The following CALCR variants were observed in gnomAD, a reference collection of about 807,000 sequenced individuals.
CALCR encodes calcitonin receptor.
Under a neutral mutation model 59.5 loss-of-function variants are expected in CALCR, and 47 were observed. The observed-to-expected ratio is 0.79, with a 90% CI of 0.63 to 1.01. The LOEUF (loss-of-function observed/expected upper bound fraction) is 1.01. Among genes scored for constraint, CALCR ranks in the 50% least tolerant of loss-of-function variants. The pLI is 0.00. For synonymous variants in CALCR, 213 were observed against 211.3 expected, an observed-to-expected ratio of 1.01 and a Z score of -0.07; for missense variants, 566 against 597.1, an observed-to-expected ratio of 0.95 and a Z score of 0.54.
intron 2 of CALCR, among the ~76,000 whole-genome samples, chr7:93,524,395 C>G (rs12111583): frequency 0.033 from 5,024 of 152,120 alleles, 293 homozygotes; most frequent in African/African-American, 0.12. Flanking sequence ...TGGTCTTGAT[C>G]TCCTGACCTC....
intron 8 of CALCR, among the ~76,000 whole-genome samples, chr7:93,450,724 T>C (rs1444741807): frequency 1.3e-5 from 2 of 151,966 alleles, no homozygotes; most frequent in African/African-American, 2.4e-5. Flanking sequence ...AATTTCTTTT[T>C]ATATTTTGTT....
At chr7:93,539,578 A>G (rs1789077479) in intron 2 of CALCR, among the ~76,000 whole-genome samples, 1 of 152,066 alleles carries the variant, frequency 6.6e-6, no homozygotes, top group African/African-American at 2.4e-5. Flanking sequence ...AGTCGTTTCT[A>G]GATGGTATAG....
Position 93,434,175 on chromosome 7 carries a change from A to C in CALCR, c.1191+78T>G, listed in dbSNP as rs1250416154. On this transcript the variant is annotated intron_variant, in intron 13 of 13. Coordinates refer to ENST00000426151, the MANE Select transcript of CALCR (RefSeq NM_001742.4). ...CAACTGTAGAAGTGAGATGAAATGA[A>C]ATTTGTACAGAGGCCCTTTGGAAAA... The C allele has an allele frequency of 1.9e-5, 19 of 986,958 alleles. No homozygotes were observed. In the Admixed American group the frequency reaches 3.1e-4, roughly 16 times the overall value. The allele number at this position is 986,958 out of a possible 1,614,324, so 61.1% of individuals were successfully genotyped here. A position where few individuals can be genotyped will look rare whatever the true frequency, so the allele number is the denominator to read the frequency against.
chr7:93,536,271 G>A (rs533694472), intron 2 of CALCR, among the ~76,000 whole-genome samples: 6 of 151,856 alleles, frequency 4.0e-5, no homozygotes, highest in South Asian at 4.1e-4. Context: ...TCATGGAAGT[G>A]AATGGCATAC....
At chr7:93,527,068 T>A (rs1788674831) in intron 2 of CALCR, among the ~76,000 whole-genome samples, 1 of 151,994 alleles carries the variant, frequency 6.6e-6, no homozygotes. Context: ...TTATGAAATG[T>A]ATTTTTCTTT....
At chr7:93,428,106 A>C (rs1799569100) in intron 13 of CALCR, among the ~76,000 whole-genome samples, 1 of 152,238 alleles carries the variant, frequency 6.6e-6, no homozygotes, top group Admixed American at 6.5e-5. Flanking sequence ...AGTGCTAAGG[A>C]ATAAGGTGGA....
At chr7:93,551,302 C>T (rs10488553) in intron 2 of CALCR, among the ~76,000 whole-genome samples, 4,761 of 152,206 alleles carry the variant, frequency 0.031, 254 homozygotes, top group African/African-American at 0.11. Context: ...GAACTTAAAA[C>T]GTGTATTTCA....
At chr7:93,560,247 A>C (rs1584632632) in intron 2 of CALCR, among the ~76,000 whole-genome samples, 1 of 152,148 alleles carries the variant, frequency 6.6e-6, no homozygotes, top group Non-Finnish European at 1.5e-5. Context: ...CTTTTTACTA[A>C]GGAATCAGTG....
chr7:93,456,082 G>C (rs1227971317), intron 8 of CALCR, among the ~76,000 whole-genome samples: 1 of 152,112 alleles, frequency 6.6e-6, no homozygotes, highest in East Asian at 1.9e-4. Context: ...TTAAAATAGA[G>C]AAAGTGCTTA....
chr7:93,430,864 T>C (rs1267309863), intron 13 of CALCR, among the ~76,000 whole-genome samples: 4 of 152,216 alleles, frequency 2.6e-5, no homozygotes, highest in Non-Finnish European at 5.9e-5. Flanking sequence ...AATACTGGTC[T>C]AGAACAAGGA....
chr7:93,434,105 T>C (rs1054278320), intron 13 of CALCR, 148 bp downstream of exon 13: 1 of 671,624 alleles, frequency 1.5e-6, no homozygotes, highest in Non-Finnish European at 2.7e-6. Context: ...CAGCTTGGAG[T>C]AGTGGAAAAA....
At position 93,429,934 on chromosome 7, in the gene CALCR, G is replaced by GT. The variant is rs60085032; in HGVS notation, c.1192-3346dup. Among the ~76,000 whole-genome samples, 26 of 93,228 alleles carry GT rather than the reference G, an allele frequency of 2.8e-4. 1 individual carries two copies. The highest frequency in any genetic ancestry group is 7.4e-4 in the African/African-American group (19 of 25,658). 61.2% of individuals were successfully genotyped at this position (93,228 alleles called of 152,430 possible). A position where few individuals can be genotyped will look rare whatever the true frequency, so the allele number is the denominator to read the frequency against. ...AGACGGTTTTTTTTTTTGTTTGTTT[G>GT]TTTTTTTGTTTTTTTTTGAGACAGA... On this transcript the variant is annotated intron_variant, in intron 13 of 13. Transcript: ENST00000426151.
intron 8 of CALCR, among the ~76,000 whole-genome samples, chr7:93,457,663 T>C (rs983614335): frequency 2.6e-5 from 4 of 152,218 alleles, no homozygotes; most frequent in Non-Finnish European, 5.9e-5. Flanking sequence ...CTACTCTTAA[T>C]GGGAAATGGA....
chr7:93,510,886 A>C (rs2116044276), intron 2 of CALCR, among the ~76,000 whole-genome samples: 1 of 152,118 alleles, frequency 6.6e-6, no homozygotes, highest in East Asian at 1.9e-4. Flanking sequence ...AAACAAACAA[A>C]CAAACAAAAA....
intron 2 of CALCR, among the ~76,000 whole-genome samples, chr7:93,518,984 A>G (rs1801703030): frequency 6.6e-6 from 1 of 151,982 alleles, no homozygotes; most frequent in Admixed American, 6.6e-5. Flanking sequence ...CTTTTGTATT[A>G]TTTAACTCTT....
chr7:93,436,171 C>T lies in CALCR; in HGVS notation c.931-1G>A. On this transcript the variant is annotated splice_acceptor_variant, in intron 11 of 13. Coordinates refer to ENST00000426151, the MANE Select transcript of CALCR (RefSeq NM_001742.4). LOFTEE classifies it high-confidence loss of function. ...TGTTGAGCAAAAAGAAGAAATTGAC[C>T]TGCAAATATACGGTGTTATGAGCAA... 3 of 1,612,180 alleles carry T rather than the reference C, an allele frequency of 1.9e-6. No individual in the cohort carries two copies. The highest frequency in any genetic ancestry group is 2.5e-6 in the Non-Finnish European group (3 of 1,178,292).
intron 2 of CALCR, among the ~76,000 whole-genome samples, chr7:93,528,163 G>T (rs902114495): frequency 1.3e-5 from 2 of 152,148 alleles, no homozygotes; most frequent in African/African-American, 4.8e-5. Flanking sequence ...GATTGATGCT[G>T]CCTGAACACT....
chr7:93,426,984 A>C (rs1460731775), intron 13 of CALCR, among the ~76,000 whole-genome samples: 1 of 152,334 alleles, frequency 6.6e-6, no homozygotes, highest in East Asian at 1.9e-4. Context: ...TTAAGTGTGC[A>C]CATGAAAAAT....
At chr7:93,481,001 G>T (rs568671990) in intron 3 of CALCR, among the ~76,000 whole-genome samples, 4 of 151,868 alleles carry the variant, frequency 2.6e-5, no homozygotes, top group Admixed American at 2.6e-4. Flanking sequence ...AACAAAAAAA[G>T]AGTTAAAACT....
Sources: allele counts gnomAD v4.1 joint callset (sites outside exome capture counted in the v4.1 genomes callset), GRCh38; gene constraint gnomAD v4.1.1; transcripts MANE v1.5; gene names NCBI Gene and HGNC (gene_info 2026-07-23, HGNC 2026-07-21).